The following CNOT10 variants were observed in gnomAD, a reference collection of about 807,000 sequenced individuals.
The protein encoded by CNOT10 is CCR4-NOT transcription complex subunit 10, also known as CCR4-NOT transcription complex, subunit 10.
CNOT10 carries 30 observed loss-of-function variants against 94.6 expected under a neutral mutation model. That is an observed-to-expected ratio of 0.32 (90% CI 0.24 to 0.43). The LOEUF (loss-of-function observed/expected upper bound fraction) is 0.43, where lower values mean the gene tolerates loss of function less well. Ranked by LOEUF, CNOT10 falls within the 20% of genes least tolerant of loss-of-function variation. The pLI, the probability that CNOT10 is intolerant of heterozygous loss-of-function variation, is 1.00. For synonymous variants in CNOT10, 289 were observed against 301.6 expected, an observed-to-expected ratio of 0.96 and a Z score of 0.43; for missense variants, 759 against 877.2, an observed-to-expected ratio of 0.87 and a Z score of 1.70.
At chr3:32,700,651 G>T (rs1697299956) in intron 1 of CNOT10, among the ~76,000 whole-genome samples, 2 of 152,122 alleles carry the variant, frequency 1.3e-5, no homozygotes, top group African/African-American at 4.8e-5. Context: ...ATAGGTTCAA[G>T]CTTTGGAGGT....
intron 1 of CNOT10, 74 bp downstream of exon 1, chr3:32,685,556 C>T (rs891105972): frequency 2.0e-6 from 3 of 1,513,436 alleles, no homozygotes; most frequent in Admixed American, 4.0e-5. Context: ...TCGGAGGCGG[C>T]GGGGCCCGGG....
intron 7 of CNOT10, 77 bp downstream of exon 7, chr3:32,717,314 A>C: frequency 1.1e-6 from 1 of 874,726 alleles, no homozygotes; most frequent in Non-Finnish European, 1.8e-6. Flanking sequence ...GGTTTAAATA[A>C]TTTATCTTAG....
At chr3:32,699,601 C>A (rs1398582451) in intron 1 of CNOT10, among the ~76,000 whole-genome samples, 2 of 152,078 alleles carry the variant, frequency 1.3e-5, no homozygotes, top group African/African-American at 4.8e-5. Context: ...CTCCTGGAAG[C>A]CATTATAGAG....
intron 1 of CNOT10, chr3:32,695,663 G>C: frequency 6.5e-7 from 1 of 1,535,948 alleles, no homozygotes; most frequent in Non-Finnish European, 8.7e-7. Flanking sequence ...AAGGTTTGTG[G>C]GTCAAAGAGC....
At chr3:32,753,835 CT>C in intron 13 of CNOT10, 1 of 1,551,192 alleles carries the variant, frequency 6.4e-7, no homozygotes, top group Non-Finnish European at 8.9e-7. Context: ...TGAGTACCAG[CT>C]GGTCTGATGT....
intron 5 of CNOT10, among the ~76,000 whole-genome samples, chr3:32,714,159 A>C (rs1450006440): frequency 6.6e-6 from 1 of 152,268 alleles, no homozygotes; most frequent in African/African-American, 2.4e-5. Flanking sequence ...ATTTCTCCAC[A>C]TTGTTACCAA....
intron 17 of CNOT10, among the ~76,000 whole-genome samples, chr3:32,766,630 C>T (rs1245325104): frequency 1.5e-5 from 2 of 133,524 alleles, no homozygotes; most frequent in African/African-American, 2.9e-5. Context: ...GGGACTCTGT[C>T]TCAAAAAAAA....
chr3:32,732,818 A>G (rs1699020616), intron 10 of CNOT10, among the ~76,000 whole-genome samples: 1 of 152,196 alleles, frequency 6.6e-6, no homozygotes, highest in Non-Finnish European at 1.5e-5. Context: ...ATACATCTTA[A>G]TCAAATATCC....
At position 32,728,829 on chromosome 3, in the gene CNOT10, C is replaced by T. The variant is rs572400770; in HGVS notation, c.1215+959C>T. 9.9e-5 allele frequency among the ~76,000 whole-genome samples: 15 copies of T among 151,158 alleles called. No homozygotes were observed. In the East Asian group the frequency reaches 2.4e-3, roughly 24 times the overall value. On this transcript the variant is annotated intron_variant, in intron 10 of 18. Transcript: ENST00000328834. ...GAAAAGGTCTGATAACAGCCAGGTG[C>T]GGTGGTCACGCCTGTAATCCCAGCA...
At chr3:32,695,740 G>A (rs1229111392) in intron 1 of CNOT10, 9 of 1,535,924 alleles carry the variant, frequency 5.9e-6, no homozygotes, top group South Asian at 3.6e-5. Context: ...GCTTATGGGT[G>A]AACGGTCGTA....
chr3:32,770,271 T>C (rs567472619), intron 18 of CNOT10, among the ~76,000 whole-genome samples: 2 of 150,100 alleles, frequency 1.3e-5, no homozygotes, highest in African/African-American at 4.9e-5. Flanking sequence ...CCCTCCCTAG[T>C]AGCTGGGATG....
In CNOT10 at chr3:32,760,368, A is replaced by G. The variant is rs1311202987; in HGVS notation, c.1709+797A>G. Among the ~76,000 whole-genome samples, 54 of 152,042 alleles carry G rather than the reference A, an allele frequency of 3.6e-4. 1 individual carries two copies. On this transcript the variant is annotated intron_variant, in intron 14 of 18. Coordinates refer to ENST00000328834, the MANE Select transcript of CNOT10 (RefSeq NM_015442.3). Reference sequence around the variant, plus strand: ...AAATACAGGCCAGGTGTGGTGGCTCATGCCTGTAATCCCAGCACTTTGGGA... The same window carrying G: ...AAATACAGGCCAGGTGTGGTGGCTCGTGCCTGTAATCCCAGCACTTTGGGA...
At position 32,720,177 on chromosome 3, in the gene CNOT10, G is replaced by A. The variant is rs369008677; in HGVS notation, c.808G>A (p.Val270Met). ...EYLRGNYRKA[V>M]KLLNSSNIAE... ...CTTAAGAGGTAATTATCGAAAAGCC[G>A]TGAAGCTATTAAATAGTTCAAACAT... The change falls in exon 8 of 19, where the codon GTG becomes ATG. Residue 270 changes from valine (V) to methionine (M), a missense_variant. Coordinates refer to ENST00000328834, the MANE Select transcript of CNOT10 (RefSeq NM_015442.3). 2.9e-5 allele frequency: 45 copies of A among 1,557,188 alleles called. No individual in the cohort carries two copies. The highest frequency in any genetic ancestry group is 3.3e-5 in the Non-Finnish European group (38 of 1,139,340).
chr3:32,718,614 C>G (rs1444012545), intron 7 of CNOT10, among the ~76,000 whole-genome samples: 2 of 146,834 alleles, frequency 1.4e-5, no homozygotes, highest in Admixed American at 6.9e-5. Context: ...AGACATAATT[C>G]CTGCCTTAAA....
intron 13 of CNOT10, among the ~76,000 whole-genome samples, chr3:32,739,519 C>T (rs1230919781): frequency 1.3e-5 from 2 of 151,756 alleles, no homozygotes; most frequent in East Asian, 3.9e-4. Context: ...TCCATAGTGT[C>T]TTTTTTTTCA....
At chr3:32,754,662 G>A (rs1213214401) in intron 13 of CNOT10, among the ~76,000 whole-genome samples, 1 of 145,954 alleles carries the variant, frequency 6.9e-6, no homozygotes, top group East Asian at 2.2e-4. Context: ...TGGGACTACA[G>A]GGGCATGCGC....
intron 18 of CNOT10, among the ~76,000 whole-genome samples, chr3:32,771,480 A>T (rs1700903169): frequency 6.6e-6 from 1 of 152,118 alleles, no homozygotes; most frequent in Non-Finnish European, 1.5e-5. Context: ...GCATGCCTGT[A>T]ATCCAGGTAC....
At chr3:32,687,464 T>TTTTTTGTTTTTTG (rs1696672207) in intron 1 of CNOT10, among the ~76,000 whole-genome samples, 1 of 67,982 alleles carries the variant, frequency 1.5e-5, no homozygotes, top group South Asian at 4.9e-4. Context: ...TTTTTTTTTT[T>TTTTTTGTTTTTTG]TTTTTGAGAC....
intron 7 of CNOT10, 38 bp downstream of exon 7, chr3:32,717,275 C>A: frequency 8.4e-7 from 1 of 1,190,976 alleles, no homozygotes; most frequent in Non-Finnish European, 1.2e-6. Flanking sequence ...CAATTTGTGT[C>A]TTTCTTATTT....
Sources: gnomAD v4.1 joint callset for allele counts (sites outside exome capture counted in the v4.1 genomes callset) on GRCh38, gnomAD v4.1.1 for gene constraint, MANE v1.5 for transcripts, NCBI Gene and HGNC (gene_info 2026-07-23, HGNC 2026-07-21) for gene names.